The following LEKR1 variants were observed in gnomAD, a reference collection of about 807,000 sequenced individuals.
LEKR1 encodes the protein leucine, glutamate and lysine rich 1.
LEKR1 carries 59 observed loss-of-function variants against 72.4 expected under a neutral mutation model. That is an observed-to-expected ratio of 0.82 (90% CI 0.66 to 1.01). The LOEUF is 1.01. LEKR1 is among the 50% of genes least tolerant of loss of function. The pLI is 0.00. For missense variants in LEKR1, 728 were observed against 759.2 expected, an observed-to-expected ratio of 0.96 and a Z score of 0.48; for synonymous variants, 257 against 263.2, an observed-to-expected ratio of 0.98 and a Z score of 0.23.
chr3:156,914,993 A>G (rs1723479514), intron 3 of LEKR1, among the ~76,000 whole-genome samples: 1 of 151,788 alleles, frequency 6.6e-6, no homozygotes, highest in Non-Finnish European at 1.5e-5. Flanking sequence ...CTTTGTGTCC[A>G]TCCATCCTCA....
intron 9 of LEKR1, among the ~76,000 whole-genome samples, chr3:156,995,783 G>A (rs1731510970): frequency 6.6e-6 from 1 of 152,148 alleles, no homozygotes; most frequent in Non-Finnish European, 1.5e-5. Context: ...AGTCAGCTGA[G>A]ATCACGCCAT....
chr3:156,885,953 A>G (rs1312339974), intron 3 of LEKR1, among the ~76,000 whole-genome samples: 1 of 152,214 alleles, frequency 6.6e-6, no homozygotes, highest in Non-Finnish European at 1.5e-5. Context: ...GGGGGCTGTA[A>G]GCTTGCCCTA....
At chr3:156,954,837 C>A (rs1576892478) in intron 6 of LEKR1, among the ~76,000 whole-genome samples, 1 of 151,994 alleles carries the variant, frequency 6.6e-6, no homozygotes, top group Middle Eastern at 3.4e-3. Context: ...CTTGGCTAGT[C>A]AGGCTCTTTT....
intron 6 of LEKR1, among the ~76,000 whole-genome samples, chr3:156,951,324 T>TG (rs1553810989): frequency 6.6e-5 from 10 of 151,202 alleles, no homozygotes; most frequent in African/African-American, 2.4e-4. Context: ...CTGAATTTTT[T>TG]TGTGTGTGTG....
At chr3:156,960,066 A>G (rs544377406) in intron 6 of LEKR1, among the ~76,000 whole-genome samples, 1 of 152,282 alleles carries the variant, frequency 6.6e-6, no homozygotes, top group South Asian at 2.1e-4. Flanking sequence ...ATCCTTAATG[A>G]ATATATGTCC....
chr3:157,042,840 T>G (rs1577034980), intron 12 of LEKR1, among the ~76,000 whole-genome samples: 1 of 152,196 alleles, frequency 6.6e-6, no homozygotes, highest in Non-Finnish European at 1.5e-5. Flanking sequence ...TCTCATTGCT[T>G]TCTTAATTAG....
chr3:156,958,356 A>G (rs1371648534), intron 6 of LEKR1, among the ~76,000 whole-genome samples: 1 of 152,222 alleles, frequency 6.6e-6, no homozygotes, highest in Admixed American at 6.6e-5. Flanking sequence ...ACAGTGGTTT[A>G]GAAAGACTAT....
intron 11 of LEKR1, among the ~76,000 whole-genome samples, chr3:157,026,567 T>G (rs1159836872): frequency 6.6e-6 from 1 of 152,318 alleles, no homozygotes; most frequent in African/African-American, 2.4e-5. Context: ...TAATTGAAGA[T>G]AATAGAATAT....
chr3:156,899,645 C>T (rs1721759336), intron 3 of LEKR1, among the ~76,000 whole-genome samples: 1 of 138,662 alleles, frequency 7.2e-6, no homozygotes, highest in African/African-American at 2.7e-5. Flanking sequence ...CGCATATATA[C>T]ACATATATAC....
At chr3:156,842,100 C>T (rs1019089636) in intron 2 of LEKR1, among the ~76,000 whole-genome samples, 2 of 152,198 alleles carry the variant, frequency 1.3e-5, no homozygotes, top group African/African-American at 4.8e-5. Flanking sequence ...AAATCATCCC[C>T]ATCCCCCCAG....
chr3:156,990,042 C>A (rs1213551097), intron 7 of LEKR1, among the ~76,000 whole-genome samples: 2 of 152,316 alleles, frequency 1.3e-5, no homozygotes, highest in South Asian at 4.1e-4. Context: ...GTACAGGATC[C>A]AATCTGGAGT....
chr3:156,892,279 TG>T (rs1720745600), intron 3 of LEKR1, among the ~76,000 whole-genome samples: 1 of 152,100 alleles, frequency 6.6e-6, no homozygotes, highest in Admixed American at 6.5e-5. Context: ...AGAGCATCTG[TG>T]AGTTGAAGAG....
At chr3:156,896,554 CAG>C (rs774728442) in intron 3 of LEKR1, among the ~76,000 whole-genome samples, 1 of 152,124 alleles carries the variant, frequency 6.6e-6, no homozygotes, top group Non-Finnish European at 1.5e-5. Context: ...CAAGAAATAA[CAG>C]AGGCTGATGA....
chr3:156,866,448 G>T (rs1213092223), intron 3 of LEKR1, among the ~76,000 whole-genome samples: 1 of 152,044 alleles, frequency 6.6e-6, no homozygotes, highest in Non-Finnish European at 1.5e-5. Context: ...CTGTGAGGAT[G>T]AGCATGACAT....
chr3:156,867,194 A>T (rs140381200), intron 3 of LEKR1, among the ~76,000 whole-genome samples: 320 of 152,234 alleles, frequency 2.1e-3, no homozygotes, highest in African/African-American at 7.4e-3. Flanking sequence ...AAATGAAAGG[A>T]TGTCAAGTAG....
At chr3:156,934,272 A>C (rs1441170048) in intron 5 of LEKR1, among the ~76,000 whole-genome samples, 1 of 152,186 alleles carries the variant, frequency 6.6e-6, no homozygotes, top group Non-Finnish European at 1.5e-5. Context: ...CTAGTGTTTT[A>C]AGAGAATTGA....
At chr3:156,891,820 A>G (rs1284254977) in intron 3 of LEKR1, among the ~76,000 whole-genome samples, 1 of 152,148 alleles carries the variant, frequency 6.6e-6, no homozygotes, top group East Asian at 1.9e-4. Flanking sequence ...TTAACAAGAA[A>G]AGTTCAAGGT....
chr3:157,011,209 T>C (rs188071698), intron 9 of LEKR1, among the ~76,000 whole-genome samples: 2 of 152,212 alleles, frequency 1.3e-5, no homozygotes, highest in African/African-American at 4.8e-5. Flanking sequence ...AAATTAAGCC[T>C]GGGAAAAATA....
chr3:156,879,091 G>A (rs1055029487), intron 3 of LEKR1, among the ~76,000 whole-genome samples: 1 of 152,186 alleles, frequency 6.6e-6, no homozygotes, highest in African/African-American at 2.4e-5. Context: ...AACTGAAAAT[G>A]TGGAAGCAAC....
Sources: gnomAD v4.1 joint callset for allele counts (sites outside exome capture counted in the v4.1 genomes callset) on GRCh38, gnomAD v4.1.1 for gene constraint, MANE v1.5 for transcripts, NCBI Gene and HGNC (gene_info 2026-07-23, HGNC 2026-07-21) for gene names.